AXDND1: variants seen among roughly 807,000 people sequenced by gnomAD.
AXDND1 encodes the protein axonemal dynein light chain domain containing 1.
A neutral mutation model predicts 137.5 loss-of-function variants in AXDND1; 110 were observed. The observed-to-expected ratio is 0.80, with a 90% CI of 0.69 to 0.94. AXDND1 has a LOEUF of 0.94. AXDND1 is among the 40% of genes least tolerant of loss of function. The pLI, the probability that AXDND1 is intolerant of heterozygous loss-of-function variation, is 0.00. For synonymous variants in AXDND1, 414 were observed against 399.7 expected (o/e 1.04, Z -0.43); for missense variants, 1,191 against 1,169.8 (o/e 1.02, Z -0.26).
At chr1:179,519,036 A>G (rs1413824921) in intron 21 of AXDND1, among the ~76,000 whole-genome samples, 1 of 152,148 alleles carries the variant, frequency 6.6e-6, no homozygotes, top group Non-Finnish European at 1.5e-5. Flanking sequence ...TTCTCTCCAC[A>G]ACCTTGCCAG....
At chr1:179,466,934 T>G (rs1343754261) in intron 16 of AXDND1, among the ~76,000 whole-genome samples, 1 of 152,196 alleles carries the variant, frequency 6.6e-6, no homozygotes, top group Non-Finnish European at 1.5e-5. Context: ...CTGTTCTATT[T>G]CTGTTCCACT....
chr1:179,410,970 T>G (rs1289550551), intron 11 of AXDND1, among the ~76,000 whole-genome samples, 176 bp from the exon 12 acceptor site: 3 of 152,238 alleles, frequency 2.0e-5, no homozygotes, highest in African/African-American at 7.2e-5. Flanking sequence ...AGTATTTTTC[T>G]TCTATTTCAC....
At chr1:179,533,708 G>A in intron 23 of AXDND1, 87 bp from the exon 24 acceptor site, 1 of 983,758 alleles carries the variant, frequency 1.0e-6, no homozygotes, top group Non-Finnish European at 1.6e-6. Context: ...GAATATTCTA[G>A]AAGGTTTGAT....
At chr1:179,528,884 G>A (rs763493744) in intron 23 of AXDND1, among the ~76,000 whole-genome samples, 4 of 152,128 alleles carry the variant, frequency 2.6e-5, no homozygotes, top group Admixed American at 1.3e-4. Flanking sequence ...GAGCTATTGC[G>A]CCCGGCCTAA....
chr1:179,496,077 G>A (rs4557920), intron 20 of AXDND1, among the ~76,000 whole-genome samples: 113,950 of 151,608 alleles, frequency 0.75, 43,258 homozygotes, highest in South Asian at 0.84. Context: ...CCACTTGATC[G>A]TGATGTATTG....
chr1:179,449,047 G>A (rs1353574026), intron 16 of AXDND1: 1 of 410,592 alleles, frequency 2.4e-6, no homozygotes, highest in Non-Finnish European at 4.8e-6. Context: ...CACCACTGTT[G>A]ACTAATTTTT....
chr1:179,552,297 A>G lies in AXDND1; in HGVS notation c.3032-2215A>G, dbSNP rs144136732. 387 of 444,740 alleles carry G rather than the reference A, an allele frequency of 8.7e-4. 5 individuals carry two copies. In the East Asian group the frequency reaches 0.014, roughly 16 times the overall value. 27.5% of individuals were successfully genotyped at this position (444,740 alleles called of 1,614,324 possible). A position where few individuals can be genotyped will look rare whatever the true frequency, so the allele number is the denominator to read the frequency against. The stretch of plus-strand genomic sequence containing the variant: ...TTAGGGTGACTACGATTACCCAGGA[A>G]AAGATGCCAGCACTAGAGAAGAGGG... On this transcript the variant is annotated intron_variant, in intron 25 of 25. Coordinates refer to ENST00000367618, the MANE Select transcript of AXDND1 (RefSeq NM_144696.6).
chr1:179,391,086 G>T (rs1030529064), intron 9 of AXDND1, among the ~76,000 whole-genome samples: 2 of 149,016 alleles, frequency 1.3e-5, no homozygotes, highest in Non-Finnish European at 3.0e-5. Context: ...GATTACAGGC[G>T]TGAGCCACTG....
chr1:179,485,445 A>G (rs1384610069), intron 18 of AXDND1, among the ~76,000 whole-genome samples: 1 of 152,156 alleles, frequency 6.6e-6, no homozygotes, highest in Admixed American at 6.5e-5. Context: ...GACCCCTAAA[A>G]TCTTCCAGAA....
intron 19 of AXDND1, among the ~76,000 whole-genome samples, 195 bp downstream of exon 19, chr1:179,491,932 C>T (rs188723641): frequency 1.3e-3 from 192 of 152,150 alleles, no homozygotes; most frequent in Middle Eastern, 0.01. Flanking sequence ...ACTGTTGGCA[C>T]GGGCAGGATG....
At chr1:179,391,912 A>G (rs1476704725) in intron 9 of AXDND1, among the ~76,000 whole-genome samples, 1 of 152,128 alleles carries the variant, frequency 6.6e-6, no homozygotes, top group Non-Finnish European at 1.5e-5. Context: ...TGCCATGTGA[A>G]GAAGGACATG....
At chr1:179,417,600 G>A (rs950486026) in intron 12 of AXDND1, among the ~76,000 whole-genome samples, 17 of 152,036 alleles carry the variant, frequency 1.1e-4, no homozygotes, top group Admixed American at 4.6e-4. Context: ...TTACCATGCC[G>A]ATTTGTTTAC....
chr1:179,533,862 T>C lies in AXDND1; in HGVS notation c.2783T>C (p.Met928Thr), dbSNP rs760352125. The C allele has an allele frequency of 2.5e-6, 4 of 1,612,982 alleles. No homozygotes were observed. Among genetic ancestry groups the C allele is most frequent in the Admixed American group, 3.3e-5 (2 of 59,998 alleles). ...YLEAMAVIEH[M>T]QEKLLEVENR... ...GAAGCAATGGCTGTAATTGAACATATGCAGGAGAAGTTACTGTAAGTATGA... is the reference window on the plus strand; with the variant it reads ...GAAGCAATGGCTGTAATTGAACATACGCAGGAGAAGTTACTGTAAGTATGA... Residue 928 changes from methionine (M) to threonine (T), a missense_variant, in exon 24 of 26, where the codon ATG (methionine) becomes ACG (threonine). Transcript: ENST00000367618.
intron 25 of AXDND1, chr1:179,550,903 C>T: frequency 4.1e-6 from 2 of 488,132 alleles, no homozygotes; most frequent in East Asian, 7.9e-5. Flanking sequence ...CACATCTAGA[C>T]TCAAAATTCT....
At chr1:179,397,640 T>G (rs1485999643) in intron 11 of AXDND1, among the ~76,000 whole-genome samples, 1 of 152,226 alleles carries the variant, frequency 6.6e-6, no homozygotes, top group Non-Finnish European at 1.5e-5. Flanking sequence ...ATAGATTTGG[T>G]ATCTTTACAT....
At chr1:179,465,776 C>T (rs904517559) in intron 16 of AXDND1, among the ~76,000 whole-genome samples, 4 of 152,330 alleles carry the variant, frequency 2.6e-5, no homozygotes, top group South Asian at 2.1e-4. Context: ...CCACCCAATT[C>T]GACCTTCCTG....
chr1:179,480,118 C>T (rs954442239), intron 17 of AXDND1, among the ~76,000 whole-genome samples: 1 of 152,168 alleles, frequency 6.6e-6, no homozygotes, highest in East Asian at 1.9e-4. Context: ...CAAGGTCGCT[C>T]CCACATTTTT....
chr1:179,500,825 C>A (rs1288747575), intron 20 of AXDND1, among the ~76,000 whole-genome samples: 3 of 152,266 alleles, frequency 2.0e-5, no homozygotes, highest in East Asian at 1.9e-4. Flanking sequence ...GCACAGGCCA[C>A]CATACCTGGC....
Position 179,378,739 on chromosome 1 carries a change from T to C in AXDND1, c.477T>C (p.Gly159=), listed in dbSNP as rs1286898638. The change falls in exon 5 of 26, where the codon GGT becomes GGC. Residue 159 remains glycine (G), a synonymous_variant. Transcript: ENST00000367618. ...CCCGTTCATTACAGTCACATGATGG[T>C]GTCATTGTGCCCCATAAGGTAAATA... The part of the protein sequence containing the change: ...HLARSLQSHD[G]VIVPHKPKTL... 1 of 1,576,194 alleles carries C rather than the reference T, an allele frequency of 6.3e-7. No homozygotes were observed. The highest frequency in any genetic ancestry group is 8.6e-7 in the Non-Finnish European group (1 of 1,159,058).
Sources: allele counts gnomAD v4.1 joint callset (sites outside exome capture counted in the v4.1 genomes callset), GRCh38; gene constraint gnomAD v4.1.1; transcripts MANE v1.5; gene names NCBI Gene and HGNC (gene_info 2026-07-23, HGNC 2026-07-21).